AFDN: variants seen among roughly 807,000 people sequenced by gnomAD.
The protein encoded by AFDN is afadin, adherens junction formation factor.
AFDN carries 68 observed loss-of-function variants against 216.6 expected under a neutral mutation model. The ratio of observed to expected loss-of-function variants is 0.31; its 90% CI spans 0.26 to 0.38. The LOEUF is 0.38. Ranked by LOEUF, AFDN falls within the 10% of genes least tolerant of loss-of-function variation. AFDN has a pLI of 1.00. For missense variants in AFDN, 2,136 were observed against 2,342.0 expected (o/e 0.91, Z 1.82); for synonymous variants, 868 against 853.7 (o/e 1.02, Z -0.29).
rs1435208590 is a variant in AFDN, at chr6:167,969,877, A to G, written c.5438A>G (p.Asn1813Ser). The G allele has an allele frequency of 6.2e-7, 1 of 1,612,700 alleles. No homozygotes were observed. ...TTTTCACAAGGTCAAGATGTATCCA[A>G]TAAAGTGAAAGCTTCTCGTAAATTA... ...RLFSQGQDVSNKVKASRKLTE... is the reference protein window; with the variant it reads ...RLFSQGQDVSSKVKASRKLTE... Residue 1813 changes from asparagine to serine, a missense_variant, in exon 34 of 34, where the codon AAT becomes AGT. This residue lies in a region of AFDN where 981 missense variants were observed against 966.0 expected (regional missense o/e 1.02). Transcript: ENST00000683244.
chr6:167,838,759 G>T (rs1339111610), intron 1 of AFDN, among the ~76,000 whole-genome samples: 1 of 152,140 alleles, frequency 6.6e-6, no homozygotes, highest in South Asian at 2.1e-4. Context: ...AGTGAAGCTT[G>T]GCGAGTAACC....
At chr6:167,881,039 A>G (rs1266862211) in intron 6 of AFDN, among the ~76,000 whole-genome samples, 1 of 152,208 alleles carries the variant, frequency 6.6e-6, no homozygotes, top group Non-Finnish European at 1.5e-5. Flanking sequence ...TTGCCTCTGT[A>G]GATCAACTTT....
intron 1 of AFDN, chr6:167,863,828 G>A: frequency 1.9e-6 from 1 of 518,464 alleles, no homozygotes; most frequent in South Asian, 1.4e-5. Context: ...AATCTAAAAT[G>A]CGTTCATTGA....
chr6:167,891,408 G>GTGTGTGTGTGTGTGTGT lies in AFDN; in HGVS notation c.1177+379_1177+380insTGTGTGTGTGTGTGTGT, dbSNP rs1562619712. Reference sequence around the variant, plus strand: ...CTAGGGCAGATTTCATAAAGGGGTGGGTGTGTGTGTGTGTGTGTGTGTGTG... The same window carrying GTGTGTGTGTGTGTGTGT: ...CTAGGGCAGATTTCATAAAGGGGTGGTGTGTGTGTGTGTGTGTGTGTGTGTGTGTGTGTGTGTGTGTG... On this transcript the variant is annotated intron_variant, in intron 8 of 33. Coordinates refer to ENST00000683244, the MANE Select transcript of AFDN (RefSeq NM_001386888.1). Among the ~76,000 whole-genome samples the GTGTGTGTGTGTGTGTGT allele has an allele frequency of 1.9e-3, 134 of 72,084 alleles. 1 individual carries two copies. The highest frequency in any genetic ancestry group is 2.9e-3 in the Non-Finnish European group (99 of 34,070). The allele number at this position is 72,084 out of a possible 152,430, so 47.3% of individuals were successfully genotyped here.
At chr6:167,920,307 G>A (rs2128491056) in intron 21 of AFDN, among the ~76,000 whole-genome samples, 2 of 152,286 alleles carry the variant, frequency 1.3e-5, no homozygotes, top group South Asian at 4.1e-4. Context: ...TAGCCCCAGA[G>A]CATTAGTTCC....
At chr6:167,953,387 A>G (rs1164151821) in intron 30 of AFDN, among the ~76,000 whole-genome samples, 3 of 152,120 alleles carry the variant, frequency 2.0e-5, no homozygotes, top group Non-Finnish European at 4.4e-5. Flanking sequence ...TTTTTCCTGA[A>G]AAGTCTCTCT....
chr6:167,963,534 T>C, intron 31 of AFDN: 1 of 1,056,234 alleles, frequency 9.5e-7, no homozygotes. Context: ...TATGCTCTAT[T>C]AGGATACAGA....
At chr6:167,934,264 G>C (rs963723862) in intron 23 of AFDN, among the ~76,000 whole-genome samples, 1 of 152,282 alleles carries the variant, frequency 6.6e-6, no homozygotes, top group Admixed American at 6.5e-5. Flanking sequence ...CCCAGAGCTG[G>C]AACTACAGCC....
intron 1 of AFDN, among the ~76,000 whole-genome samples, chr6:167,837,015 A>G (rs1260555631): frequency 1.3e-5 from 2 of 152,214 alleles, no homozygotes; most frequent in African/African-American, 4.8e-5. Flanking sequence ...CAGTGAGTTC[A>G]TAGTACAATT....
upstream of AFDN, chr6:167,826,629 T>C (rs1562505686): frequency 2.0e-6 from 1 of 489,992 alleles, no homozygotes. Context: ...CCCATTTAGA[T>C]CCAGCAGCGC....
intron 27 of AFDN, among the ~76,000 whole-genome samples, 198 bp downstream of exon 27, chr6:167,947,099 T>C (rs767635606): frequency 1.3e-5 from 2 of 152,068 alleles, no homozygotes; most frequent in East Asian, 3.8e-4. Flanking sequence ...ATTCAGTTGA[T>C]CCCATAAGCA....
At chr6:167,828,176 T>C (rs1779416760) in intron 1 of AFDN, among the ~76,000 whole-genome samples, 1 of 152,246 alleles carries the variant, frequency 6.6e-6, no homozygotes, top group Non-Finnish European at 1.5e-5. Context: ...TAGGAAATCA[T>C]TTTAATAGCG....
intron 2 of AFDN, among the ~76,000 whole-genome samples, chr6:167,865,704 A>G (rs1784100122): frequency 6.6e-6 from 1 of 152,216 alleles, no homozygotes; most frequent in South Asian, 2.1e-4. Flanking sequence ...TAAAATACAG[A>G]TTACAGTTGG....
intron 11 of AFDN, among the ~76,000 whole-genome samples, chr6:167,899,778 C>T (rs1788715732): frequency 6.6e-6 from 1 of 152,152 alleles, no homozygotes; most frequent in Admixed American, 6.5e-5. Context: ...TCAATAGTAC[C>T]TGTAGTTATT....
Position 167,951,393 on chromosome 6 carries a change from C to A in AFDN, c.4039C>A (p.Pro1347Thr), listed in dbSNP as rs752085292. The A allele has an allele frequency of 3.7e-6, 6 of 1,614,124 alleles. No homozygotes were observed. The highest frequency in any genetic ancestry group is 3.4e-6 in the Non-Finnish European group (4 of 1,180,020). ...TGCTTCCACACTGACCAAAAGTGGC[C>A]CTGGCCGTTGGAAAACACCAGCAGC... Reference protein sequence around the residue: ...TPASTLTKSGPGRWKTPAAIP... With the variant: ...TPASTLTKSGTGRWKTPAAIP... The change falls in exon 30 of 34, where the codon CCT becomes ACT. Residue 1347 changes from proline to threonine, a missense_variant. Pro to Thr is a conservative substitution (Grantham distance 38). This residue lies in a region of AFDN where 981 missense variants were observed against 966.0 expected (regional missense o/e 1.02). Transcript: ENST00000683244. The surrounding 1 kb of genome is among the most constrained non-coding windows in gnomAD (Gnocchi z 7.1).
chr6:167,965,482 A>G (rs1797448551), intron 31 of AFDN, among the ~76,000 whole-genome samples: 1 of 152,214 alleles, frequency 6.6e-6, no homozygotes, highest in Non-Finnish European at 1.5e-5. Flanking sequence ...CCACTGGGAT[A>G]ATGGAAAGGC....
At position 167,841,508 on chromosome 6, in the gene AFDN, T is replaced by G. The variant is rs189900413; in HGVS notation, c.105+14271T>G. Among the ~76,000 whole-genome samples, 325 of 152,244 alleles carry G rather than the reference T, an allele frequency of 2.1e-3. 4 individuals carry two copies. The highest frequency in any genetic ancestry group is 6.9e-3 in the African/African-American group (286 of 41,558). Reference sequence around the variant, plus strand: ...CCAATACAGGAAAAAAAAAATACTGTACAACGATGTCAGATCAGGAGAGGA... The same window carrying G: ...CCAATACAGGAAAAAAAAAATACTGGACAACGATGTCAGATCAGGAGAGGA... On this transcript the variant is annotated intron_variant, in intron 1 of 33. Coordinates refer to ENST00000683244, the MANE Select transcript of AFDN (RefSeq NM_001386888.1).
At chr6:167,846,406 A>G (rs1007057262) in intron 1 of AFDN, among the ~76,000 whole-genome samples, 1 of 152,190 alleles carries the variant, frequency 6.6e-6, no homozygotes, top group African/African-American at 2.4e-5. Flanking sequence ...GAAGATTCTC[A>G]AAATGAACTA....
chr6:167,843,127 G>C (rs1165091183), intron 1 of AFDN, among the ~76,000 whole-genome samples: 2 of 152,148 alleles, frequency 1.3e-5, no homozygotes, highest in East Asian at 1.9e-4. Context: ...TATTGCTCCA[G>C]TATTCTCTCT....
Sources: allele counts gnomAD v4.1 joint callset (sites outside exome capture counted in the v4.1 genomes callset), GRCh38; gene constraint gnomAD v4.1.1; regional missense constraint gnomAD v4.1.1; non-coding constraint Gnocchi (gnomAD v3.1); transcripts MANE v1.5; gene names NCBI Gene and HGNC (gene_info 2026-07-23, HGNC 2026-07-21).